ZMYND11: variants seen among roughly 807,000 people sequenced by gnomAD.
ZMYND11 encodes zinc finger MYND-type containing 11, also known as zinc finger MYND domain-containing protein 11.
In ZMYND11, 9 loss-of-function variants were observed where a neutral mutation model predicts 84.9. That is an observed-to-expected ratio of 0.11 (90% CI 0.06 to 0.18). The LOEUF (loss-of-function observed/expected upper bound fraction) is 0.18. Among genes scored for constraint, ZMYND11 ranks in the 10% least tolerant of loss-of-function variants. The pLI, the probability that ZMYND11 is intolerant of heterozygous loss-of-function variation, is 1.00. For synonymous variants in ZMYND11, 250 were observed against 244.1 expected (o/e 1.02, Z -0.23); for missense variants, 409 against 761.0 (o/e 0.54, Z 5.44).
In ZMYND11 at chr10:169,027, G is replaced by T. The variant is rs539977292; in HGVS notation, c.-19-10967G>T. Among the ~76,000 whole-genome samples, 6 of 152,270 alleles carry T rather than the reference G, an allele frequency of 3.9e-5. 1 individual carries two copies. In the East Asian group the frequency reaches 5.8e-4, roughly 15 times the overall value. ...CTTGTGCTTCTTGGAGCGGGAGGGG[G>T]AAAGGGATCATTTTGAAATATGCAA... On this transcript the variant is annotated intron_variant, in intron 1 of 14. Transcript: ENST00000381604.
At chr10:210,200 A>G in intron 3 of ZMYND11, 152 bp downstream of exon 3, 1 of 786,326 alleles carries the variant, frequency 1.3e-6, no homozygotes, top group South Asian at 2.1e-5. Flanking sequence ...TAGTATGGAT[A>G]CTTTCCTTAC....
At chr10:227,405 T>C (rs1948316159) in intron 4 of ZMYND11, among the ~76,000 whole-genome samples, 2 of 152,234 alleles carry the variant, frequency 1.3e-5, no homozygotes, top group African/African-American at 4.8e-5. Flanking sequence ...TTAAGCCTCA[T>C]GTACTTTTTA....
chr10:249,291 C>T (rs1398149576), intron 14 of ZMYND11: 2 of 1,403,948 alleles, frequency 1.4e-6, no homozygotes, highest in Middle Eastern at 2.6e-4. Context: ...GTGTACTGCT[C>T]AGGATTATTT....
At chr10:197,463 A>G (rs547652345) in intron 2 of ZMYND11, among the ~76,000 whole-genome samples, 1 of 152,246 alleles carries the variant, frequency 6.6e-6, no homozygotes, top group African/African-American at 2.4e-5. Context: ...AGTTTAGTAT[A>G]TGAAATAGAG....
chr10:161,098 A>G (rs576995073), intron 1 of ZMYND11, among the ~76,000 whole-genome samples: 82 of 151,716 alleles, frequency 5.4e-4, no homozygotes, highest in African/African-American at 1.5e-3. Context: ...AAGTGCTGGG[A>G]TTACAGGTGT....
chr10:185,822 A>AAC (rs1554769517), intron 2 of ZMYND11, among the ~76,000 whole-genome samples: 1 of 147,720 alleles, frequency 6.8e-6, no homozygotes, highest in African/African-American at 2.5e-5. Context: ...TCAAAAAAAC[A>AAC]AAAAAACAAA....
chr10:175,891 C>A (rs1164614505), intron 1 of ZMYND11, among the ~76,000 whole-genome samples: 2 of 152,096 alleles, frequency 1.3e-5, no homozygotes, highest in Non-Finnish European at 2.9e-5. Context: ...TGATAAAAAA[C>A]CTGAACCTAC....
At chr10:142,201 A>G (rs1488046393) in intron 1 of ZMYND11, among the ~76,000 whole-genome samples, 3 of 152,116 alleles carry the variant, frequency 2.0e-5, no homozygotes, top group Admixed American at 1.3e-4. Context: ...CCTGGGCTCA[A>G]GTGATCCTCA....
At chr10:163,563 T>C (rs1447434471) in intron 1 of ZMYND11, among the ~76,000 whole-genome samples, 1 of 152,212 alleles carries the variant, frequency 6.6e-6, no homozygotes, top group African/African-American at 2.4e-5. Context: ...ACTTATAATA[T>C]CCTATTTATG....
rs892364587 is a variant in ZMYND11 at position 198,622 on chromosome 10, T to G, written c.117-11267T>G. Among the ~76,000 whole-genome samples, 4 of 152,314 alleles carry G rather than the reference T, an allele frequency of 2.6e-5. No individual in the cohort carries two copies. In the East Asian group the frequency reaches 7.7e-4, roughly 29 times the overall value. ...TAAAATATTTCACCTCTCGTTGGCA[T>G]TTTTCCTAGAGTCACTGGAGGTCCA... On this transcript the variant is annotated intron_variant, in intron 2 of 14. Transcript: ENST00000381604.
chr10:215,559 T>C (rs1437959016), intron 3 of ZMYND11, among the ~76,000 whole-genome samples: 4 of 151,766 alleles, frequency 2.6e-5, no homozygotes, highest in South Asian at 4.2e-4. Flanking sequence ...TCTTTGTTTT[T>C]TGTTTTTTTT....
In ZMYND11 at chr10:239,531, A is replaced by G; in HGVS notation, c.697+6A>G. The G allele has an allele frequency of 1.4e-6, 2 of 1,448,416 alleles. No individual in the cohort carries two copies. The highest frequency in any genetic ancestry group is 1.8e-6 in the Non-Finnish European group (2 of 1,093,888). 89.7% of individuals were successfully genotyped at this position (1,448,416 alleles called of 1,614,324 possible). On this transcript the variant is annotated splice_donor_region_variant and intron_variant, in intron 7 of 14. Transcript: ENST00000381604. ...TACCGTGATTTTCTATGGAGGTTGA[A>G]TATTTTTGTTTTTTTTGTATGCATT...
intron 1 of ZMYND11, among the ~76,000 whole-genome samples, chr10:143,956 A>C (rs1479612318): frequency 6.6e-6 from 1 of 151,406 alleles, no homozygotes; most frequent in African/African-American, 2.4e-5. Context: ...GTGAGCGGAG[A>C]TCATGCCACT....
chr10:171,689 A>AT (rs1199949070), intron 1 of ZMYND11, among the ~76,000 whole-genome samples: 2 of 152,218 alleles, frequency 1.3e-5, no homozygotes, highest in Non-Finnish European at 2.9e-5. Context: ...ACATTCTTTC[A>AT]TAAAAACTCC....
At chr10:215,699 A>G (rs775778256) in intron 3 of ZMYND11, among the ~76,000 whole-genome samples, 35 of 152,066 alleles carry the variant, frequency 2.3e-4, no homozygotes, top group Non-Finnish European at 4.6e-4. Context: ...CTGGGACTAC[A>G]GGCATGCACT....
chr10:198,052 T>C (rs1288828993), intron 2 of ZMYND11: 6 of 550,996 alleles, frequency 1.1e-5, no homozygotes, highest in Admixed American at 3.1e-5. Flanking sequence ...ATAGGTCTAA[T>C]TTAATAATGT....
intron 2 of ZMYND11, among the ~76,000 whole-genome samples, chr10:202,479 T>A (rs1181319423): frequency 1.3e-5 from 2 of 152,194 alleles, no homozygotes; most frequent in African/African-American, 4.8e-5. Context: ...ACACTTCTAA[T>A]ATATACTAGA....
rs139393654 is a variant in ZMYND11 at position 206,590 on chromosome 10, A to G, written c.117-3299A>G. ...TGTTTTCCAAATCCTATACACTTCCATCTTGACCCCTGCTTCATTTAGGTA... is the reference window on the plus strand; with the variant it reads ...TGTTTTCCAAATCCTATACACTTCCGTCTTGACCCCTGCTTCATTTAGGTA... On this transcript the variant is annotated intron_variant, in intron 2 of 14. Transcript: ENST00000381604. Among the ~76,000 whole-genome samples the G allele has an allele frequency of 5.0e-4, 76 of 152,174 alleles. 1 individual carries two copies. In the East Asian group the frequency reaches 0.014, roughly 28 times the overall value.
intron 2 of ZMYND11, chr10:197,924 A>G (rs1588875168): frequency 3.2e-6 from 2 of 621,910 alleles, no homozygotes; most frequent in East Asian, 5.9e-5. Flanking sequence ...TGAAACAACT[A>G]CATTATTCTT....
Sources: gnomAD v4.1 joint callset for allele counts (sites outside exome capture counted in the v4.1 genomes callset) on GRCh38, gnomAD v4.1.1 for gene constraint, MANE v1.5 for transcripts, NCBI Gene and HGNC (gene_info 2026-07-23, HGNC 2026-07-21) for gene names.